The following TSPAN5 variants were observed in gnomAD, a reference collection of about 807,000 sequenced individuals.
TSPAN5 encodes tetraspanin 5.
In TSPAN5, 10 loss-of-function variants were observed where a neutral mutation model predicts 37.1. That is an observed-to-expected ratio of 0.27 (90% CI 0.17 to 0.46). TSPAN5 has a LOEUF of 0.46. TSPAN5 is among the 20% of genes least tolerant of loss of function. The pLI is 1.00. For missense variants in TSPAN5, 195 were observed against 326.6 expected (o/e 0.60, Z 3.11); for synonymous variants, 110 against 118.9 (o/e 0.93, Z 0.48).
intron 1 of TSPAN5, among the ~76,000 whole-genome samples, chr4:98,618,917 G>A (rs1264798968): frequency 6.6e-6 from 1 of 152,168 alleles, no homozygotes; most frequent in Non-Finnish European, 1.5e-5. Context: ...AGTGAATCGT[G>A]TGCTAGGCAA....
At chr4:98,590,627 T>C (rs889528518) in intron 1 of TSPAN5, among the ~76,000 whole-genome samples, 2 of 151,870 alleles carry the variant, frequency 1.3e-5, no homozygotes, top group Non-Finnish European at 2.9e-5. Context: ...GGAGAATCAC[T>C]TGAATCCGGG....
chr4:98,570,155 T>C (rs1755088849), intron 1 of TSPAN5, among the ~76,000 whole-genome samples: 1 of 152,208 alleles, frequency 6.6e-6, no homozygotes, highest in Non-Finnish European at 1.5e-5. Flanking sequence ...TTTGAATTCA[T>C]GGAAATGTTG....
rs556081875 is a variant in TSPAN5 at position 98,491,702 on chromosome 4, G to A, written c.133-4818C>T. 1.9e-3 allele frequency among the ~76,000 whole-genome samples: 278 copies of A among 149,060 alleles called. 3 individuals are homozygous for A. The highest frequency in any genetic ancestry group is 6.6e-3 in the African/African-American group (267 of 40,548). ...ACTCTGTCTAAAAAAAAAAAAAAAGGTGGGGGGGAACATAATCCTGACAAC... is the reference window on the plus strand; with the variant it reads ...ACTCTGTCTAAAAAAAAAAAAAAAGATGGGGGGGAACATAATCCTGACAAC... On this transcript the variant is annotated intron_variant, in intron 2 of 7. Coordinates refer to ENST00000305798, the MANE Select transcript of TSPAN5 (RefSeq NM_005723.4).
intron 1 of TSPAN5, among the ~76,000 whole-genome samples, chr4:98,519,618 C>T (rs929517131): frequency 8.5e-5 from 13 of 152,194 alleles, no homozygotes; most frequent in Non-Finnish European, 1.8e-4. Context: ...TTAGCTTAAA[C>T]AACTTGGCAG....
At chr4:98,621,305 G>A (rs74695769) in intron 1 of TSPAN5, among the ~76,000 whole-genome samples, 1 of 150,378 alleles carries the variant, frequency 6.6e-6, no homozygotes, top group East Asian at 2.0e-4. Flanking sequence ...CATTTCTGTA[G>A]TTTATGCCAC....
chr4:98,614,360 C>T (rs574786090), intron 1 of TSPAN5, among the ~76,000 whole-genome samples: 1 of 152,320 alleles, frequency 6.6e-6, no homozygotes, highest in East Asian at 1.9e-4. Flanking sequence ...CATCCCCTTG[C>T]CTGGGCTGTG....
At chr4:98,547,773 G>A (rs193281274) in intron 1 of TSPAN5, among the ~76,000 whole-genome samples, 13 of 152,198 alleles carry the variant, frequency 8.5e-5, no homozygotes, top group South Asian at 6.2e-4. Flanking sequence ...TTGGGAAGCC[G>A]AGGTAGACGG....
rs569035219 is a variant in TSPAN5 at position 98,499,755 on chromosome 4, G to A, written c.132+7923C>T. Among the ~76,000 whole-genome samples the A allele has an allele frequency of 2.7e-5, 4 of 150,388 alleles. No homozygotes were observed. In the South Asian group the frequency reaches 8.4e-4, roughly 32 times the overall value. On this transcript the variant is annotated intron_variant, in intron 2 of 7. Coordinates refer to ENST00000305798, the MANE Select transcript of TSPAN5 (RefSeq NM_005723.4). ...GGCTCACTGCAAGCTCCGCCTCCTG[G>A]GTTCATACCATTCTCCTGCCTCAGC...
intron 2 of TSPAN5, among the ~76,000 whole-genome samples, chr4:98,487,208 G>GTTCATATTT (rs1475459780): frequency 3.5e-5 from 5 of 144,710 alleles, no homozygotes; most frequent in African/African-American, 1.0e-4. Context: ...ATCTAAACGT[G>GTTCATATTT]TTCATATTTT....
intron 1 of TSPAN5, among the ~76,000 whole-genome samples, chr4:98,654,339 T>A (rs1757255376): frequency 6.6e-6 from 1 of 152,188 alleles, no homozygotes; most frequent in Non-Finnish European, 1.5e-5. Flanking sequence ...CTGGGAACAG[T>A]TAAGTATCCA....
chr4:98,486,854 C>A lies in TSPAN5; in HGVS notation c.163G>T (p.Asp55Tyr). The A allele has an allele frequency of 6.2e-7, 1 of 1,613,992 alleles. No individual in the cohort carries two copies. The highest frequency in any genetic ancestry group is 8.5e-7 in the Non-Finnish European group (1 of 1,179,996). Residue 55 changes from aspartate (D) to tyrosine (Y), a missense_variant, in exon 3 of 8, where the codon GAT (aspartate) becomes TAT (tyrosine). Coordinates refer to ENST00000305798, the MANE Select transcript of TSPAN5 (RefSeq NM_005723.4). ...GVLSNISSIT[D>Y]LGGFDPVWLF... ...CAAACTGGGTCAAAGCCGCCGAGAT[C>A]GGTGATGGAAGAGATGTTGGACAGA... is the stretch of plus-strand genomic sequence containing the variant.
intron 1 of TSPAN5, among the ~76,000 whole-genome samples, chr4:98,578,149 C>T (rs1755286073): frequency 6.6e-6 from 1 of 152,144 alleles, no homozygotes; most frequent in South Asian, 2.1e-4. Context: ...ATCAATTATG[C>T]AAAGCTGTGT....
intron 1 of TSPAN5, among the ~76,000 whole-genome samples, chr4:98,632,856 A>G (rs765872807): frequency 2.6e-5 from 4 of 152,158 alleles, no homozygotes; most frequent in Non-Finnish European, 5.9e-5. Flanking sequence ...CCTGAAGGAG[A>G]AAGCACAGAC....
At chr4:98,504,013 C>T (rs1048398654) in intron 2 of TSPAN5, among the ~76,000 whole-genome samples, 13 of 152,196 alleles carry the variant, frequency 8.5e-5, no homozygotes, top group African/African-American at 3.1e-4. Flanking sequence ...AAAATGAATT[C>T]TTTAAATTAT....
intron 1 of TSPAN5, among the ~76,000 whole-genome samples, chr4:98,621,132 G>A (rs1756470776): frequency 6.6e-6 from 1 of 152,060 alleles, no homozygotes. Flanking sequence ...GAAGACAGAG[G>A]TCAGGTGACA....
At chr4:98,476,654 A>C (rs1404914536) in intron 5 of TSPAN5, among the ~76,000 whole-genome samples, 194 bp from the exon 6 acceptor site, 5 of 152,218 alleles carry the variant, frequency 3.3e-5, no homozygotes, top group Admixed American at 1.3e-4. Context: ...GTAGGTATTA[A>C]AATATGCCCT....
At chr4:98,590,501 G>C (rs1049244873) in intron 1 of TSPAN5, among the ~76,000 whole-genome samples, 5 of 152,040 alleles carry the variant, frequency 3.3e-5, no homozygotes, top group Non-Finnish European at 4.4e-5. Flanking sequence ...ACGAGGTCAG[G>C]AGATCGAGAC....
At chr4:98,508,522 C>CTTTTTTTTT (rs34342433) in intron 1 of TSPAN5, among the ~76,000 whole-genome samples, 13 of 121,902 alleles carry the variant, frequency 1.1e-4, no homozygotes, top group Non-Finnish European at 1.9e-4. Flanking sequence ...TACTGTTTTT[C>CTTTTTTTTT]TTTTTTTTTT....
chr4:98,532,332 T>C (rs572808123), intron 1 of TSPAN5, among the ~76,000 whole-genome samples: 1 of 152,354 alleles, frequency 6.6e-6, no homozygotes, highest in South Asian at 2.1e-4. Context: ...GCATGGAATG[T>C]CTTTGCATTT....
Sources: gnomAD v4.1 joint callset for allele counts (sites outside exome capture counted in the v4.1 genomes callset) on GRCh38, gnomAD v4.1.1 for gene constraint, MANE v1.5 for transcripts, NCBI Gene and HGNC (gene_info 2026-07-23, HGNC 2026-07-21) for gene names.